Variants in THSD7A observed in about 807,000 individuals in gnomAD.
THSD7A encodes thrombospondin type-1 domain-containing protein 7A.
THSD7A carries 96 observed loss-of-function variants against 231.3 expected under a neutral mutation model. The observed-to-expected ratio is 0.41, with a 90% CI of 0.35 to 0.49. The LOEUF (loss-of-function observed/expected upper bound fraction) is 0.49, where lower values mean the gene tolerates loss of function less well. Ranked by LOEUF, THSD7A falls within the 20% of genes least tolerant of loss-of-function variation. The pLI, the probability that THSD7A is intolerant of heterozygous loss-of-function variation, is 0.05. For missense variants in THSD7A, 2,290 were observed against 2,070.2 expected, an observed-to-expected ratio of 1.11 and a Z score of -2.06; for synonymous variants, 940 against 743.3, an observed-to-expected ratio of 1.26 and a Z score of -4.30.
At chr7:11,461,626 C>T (rs1436743535) in intron 10 of THSD7A, among the ~76,000 whole-genome samples, 1 of 152,170 alleles carries the variant, frequency 6.6e-6, no homozygotes, top group East Asian at 1.9e-4. Context: ...TGATTACAAA[C>T]AGGTGCTCTT....
intron 24 of THSD7A, among the ~76,000 whole-genome samples, chr7:11,381,440 T>A (rs1029850257): frequency 1.1e-4 from 16 of 152,252 alleles, no homozygotes; most frequent in African/African-American, 3.6e-4. Flanking sequence ...CCAGGTAATT[T>A]AAAATTCAAT....
chr7:11,826,663 T>G (rs1194713675), intron 1 of THSD7A, among the ~76,000 whole-genome samples: 1 of 151,952 alleles, frequency 6.6e-6, no homozygotes, highest in African/African-American at 2.4e-5. Context: ...AATACAAAAA[T>G]TAGCCGGGTA....
intron 9 of THSD7A, among the ~76,000 whole-genome samples, chr7:11,464,122 A>AT (rs1297014746): frequency 6.7e-6 from 1 of 148,420 alleles, no homozygotes; most frequent in South Asian, 2.1e-4. Context: ...TACAATTTCT[A>AT]TTTTTTTCTT....
intron 1 of THSD7A, among the ~76,000 whole-genome samples, chr7:11,783,315 A>G (rs564363987): frequency 6.6e-6 from 1 of 152,154 alleles, no homozygotes; most frequent in South Asian, 2.1e-4. Context: ...ACAGAAACCT[A>G]TTCTATAATA....
chr7:11,665,280 C>T (rs1376479626), intron 1 of THSD7A, among the ~76,000 whole-genome samples: 1 of 152,014 alleles, frequency 6.6e-6, no homozygotes, highest in Non-Finnish European at 1.5e-5. Flanking sequence ...GAAAATGTTC[C>T]TGCCCATTAA....
At chr7:11,558,065 T>G (rs1406537174) in intron 4 of THSD7A, among the ~76,000 whole-genome samples, 1 of 152,140 alleles carries the variant, frequency 6.6e-6, no homozygotes, top group Non-Finnish European at 1.5e-5. Context: ...TTGTTAGGGT[T>G]TTTACAAATC....
At chr7:11,736,203 A>C (rs1781906892) in intron 1 of THSD7A, among the ~76,000 whole-genome samples, 1 of 152,040 alleles carries the variant, frequency 6.6e-6, no homozygotes, top group Non-Finnish European at 1.5e-5. Context: ...AATTTATAGA[A>C]GTATCTATGA....
At chr7:11,452,406 T>G (rs945166205) in intron 11 of THSD7A, among the ~76,000 whole-genome samples, 2 of 152,028 alleles carry the variant, frequency 1.3e-5, no homozygotes, top group Non-Finnish European at 2.9e-5. Flanking sequence ...ACTGGCAAGT[T>G]TGCCAAATTA....
At chr7:11,379,325 T>C (rs1209098316) in intron 25 of THSD7A, 45 bp from the exon 26 acceptor site, 2 of 1,594,356 alleles carry the variant, frequency 1.3e-6, no homozygotes, top group Non-Finnish European at 1.7e-6. Context: ...CAAGGAATCT[T>C]TGGAAGTCTA....
At chr7:11,587,309 A>C (rs965150907) in intron 4 of THSD7A, among the ~76,000 whole-genome samples, 3 of 152,158 alleles carry the variant, frequency 2.0e-5, no homozygotes, top group Non-Finnish European at 4.4e-5. Context: ...CTGGCTGAAC[A>C]AAAACTGTCA....
Position 11,644,322 on chromosome 7 carries a change from A to G in THSD7A, c.191-7361T>C, listed in dbSNP as rs193281755. Among the ~76,000 whole-genome samples, 231 of 152,064 alleles carry G rather than the reference A, an allele frequency of 1.5e-3. 2 individuals are homozygous for G. Among genetic ancestry groups the G allele is most frequent in the African/African-American group, 5.2e-3 (215 of 41,536 alleles). On this transcript the variant is annotated intron_variant, in intron 1 of 27. Transcript: ENST00000423059. ...TACTGTCCCATTCAAAATTATACTA[A>G]TTGAATTGATTTAATTATAAATATA...
intron 3 of THSD7A, 149 bp downstream of exon 3, chr7:11,593,105 C>A: frequency 2.0e-6 from 2 of 1,024,946 alleles, no homozygotes; most frequent in Non-Finnish European, 2.7e-6. Context: ...CACTTTTATT[C>A]TGTAAAAAAA....
rs371684579 is a variant in THSD7A at position 11,458,150 on chromosome 7, G to A, written c.2605+2512C>T. On this transcript the variant is annotated intron_variant, in intron 11 of 27. Transcript: ENST00000423059. Reference sequence around the variant, plus strand: ...TATAGTCTTTGTTGATTGATTTAATGTTTACTATATAATTATTTTTGTCAT... The same window carrying A: ...TATAGTCTTTGTTGATTGATTTAATATTTACTATATAATTATTTTTGTCAT... 1.1e-4 allele frequency among the ~76,000 whole-genome samples: 17 copies of A among 151,966 alleles called. No individual in the cohort carries two copies. The East Asian group carries it at 2.1e-3, about 19-fold the overall frequency.
chr7:11,517,219 C>G (rs1788066650), intron 6 of THSD7A, among the ~76,000 whole-genome samples: 1 of 152,064 alleles, frequency 6.6e-6, no homozygotes, highest in South Asian at 2.1e-4. Context: ...GTTGGGATTA[C>G]AGGTGCCCAC....
chr7:11,640,111 C>CTT (rs1241613515), intron 1 of THSD7A, among the ~76,000 whole-genome samples: 4 of 152,160 alleles, frequency 2.6e-5, no homozygotes, highest in African/African-American at 9.7e-5. Context: ...GTTAGTCACA[C>CTT]TTTCGGTTAG....
intron 9 of THSD7A, among the ~76,000 whole-genome samples, chr7:11,467,728 AT>A (rs1785767086): frequency 6.7e-6 from 1 of 149,004 alleles, no homozygotes; most frequent in South Asian, 2.2e-4. Context: ...CTTTTCAAGT[AT>A]GGTTTTTTAC....
At position 11,541,606 on chromosome 7, in the gene THSD7A, A is replaced by G. The variant is rs1472913476; in HGVS notation, c.1635T>C (p.Ile545=). 1.2e-6 allele frequency: 2 copies of G among 1,613,904 alleles called. No individual in the cohort carries two copies. Among genetic ancestry groups the G allele is most frequent in the South Asian group, 2.2e-5 (2 of 91,082 alleles). Residue 545 remains isoleucine (I), a synonymous_variant, in exon 6 of 28, where the codon ATT becomes ATC. Coordinates refer to ENST00000423059, the MANE Select transcript of THSD7A (RefSeq NM_015204.3). The part of the protein sequence containing the change: ...KKGFKLRKRR[I]TNEPTGGSGV... The stretch of plus-strand genomic sequence containing the variant: ...CAGAGCCTCCAGTGGGCTCATTGGT[A>G]ATGCGCCGCTTCCTCAGTTTGAAGC...
intron 23 of THSD7A, among the ~76,000 whole-genome samples, chr7:11,400,195 A>G (rs1783349929): frequency 6.6e-6 from 1 of 150,604 alleles, no homozygotes; most frequent in South Asian, 2.1e-4. Flanking sequence ...TAGCATTAGA[A>G]GATATACCTA....
chr7:11,520,950 C>G (rs1002245425), intron 6 of THSD7A, among the ~76,000 whole-genome samples: 3 of 152,144 alleles, frequency 2.0e-5, no homozygotes, highest in African/African-American at 7.2e-5. Context: ...GACCACCAGT[C>G]TACAAATATA....
Sources: allele counts gnomAD v4.1 joint callset (sites outside exome capture counted in the v4.1 genomes callset), GRCh38; gene constraint gnomAD v4.1.1; transcripts MANE v1.5; gene names NCBI Gene and HGNC (gene_info 2026-07-23, HGNC 2026-07-21).